The following ARL15 variants were observed in gnomAD, a reference collection of about 807,000 sequenced individuals.
ARL15 encodes the protein ADP-ribosylation factor-like protein 15.
A neutral mutation model predicts 25.2 loss-of-function variants in ARL15; 19 were observed. The observed-to-expected ratio is 0.75, with a 90% CI of 0.53 to 1.10. The LOEUF (loss-of-function observed/expected upper bound fraction) is 1.10, where lower values mean the gene tolerates loss of function less well. ARL15 is among the 50% of genes least tolerant of loss of function. The probability of loss-of-function intolerance (pLI) is 0.00; values close to 1 mark genes in which losing one functional copy is unlikely to be tolerated. For synonymous variants in ARL15, 94 were observed against 86.8 expected, an observed-to-expected ratio of 1.08 and a Z score of -0.46; for missense variants, 220 against 246.0, an observed-to-expected ratio of 0.89 and a Z score of 0.71.
intron 4 of ARL15, among the ~76,000 whole-genome samples, chr5:53,892,720 A>G (rs1288445401): frequency 1.3e-5 from 2 of 151,712 alleles, no homozygotes; most frequent in Admixed American, 1.3e-4. Flanking sequence ...CTCCCACCTC[A>G]GCCTCCTAAG....
chr5:53,941,745 C>T (rs1746546249), intron 4 of ARL15, among the ~76,000 whole-genome samples: 1 of 152,056 alleles, frequency 6.6e-6, no homozygotes, highest in African/African-American at 2.4e-5. Flanking sequence ...TGTGGTGATT[C>T]TTCTTTGAGT....
At chr5:54,193,513 G>T (rs982404915) in intron 1 of ARL15, among the ~76,000 whole-genome samples, 1 of 152,060 alleles carries the variant, frequency 6.6e-6, no homozygotes, top group East Asian at 1.9e-4. Flanking sequence ...TCATAGAAGC[G>T]GGAACCCTAC....
intron 4 of ARL15, among the ~76,000 whole-genome samples, chr5:53,975,198 A>AT (rs1235282305): frequency 6.6e-6 from 1 of 151,974 alleles, no homozygotes; most frequent in Admixed American, 6.5e-5. Flanking sequence ...ACTTTCTCCC[A>AT]TATCAATTTG....
intron 4 of ARL15, among the ~76,000 whole-genome samples, chr5:53,963,856 G>A (rs950126832): frequency 2.7e-5 from 4 of 147,046 alleles, no homozygotes; most frequent in Non-Finnish European, 6.0e-5. Context: ...CACATACACA[G>A]AGTAACTTGA....
chr5:54,123,527 AT>A lies in ARL15; in HGVS notation c.254-10118del, dbSNP rs542958057. ...TTCCCCTTTGTGTTTTGAAATTGCC[AT>A]TTTTAAAGAGGATGCTAGTAACATG... is the stretch of plus-strand genomic sequence containing the variant. On this transcript the variant is annotated intron_variant, in intron 3 of 4. Coordinates refer to ENST00000504924, the MANE Select transcript of ARL15 (RefSeq NM_019087.3). 2.1e-3 allele frequency among the ~76,000 whole-genome samples: 318 copies of A among 152,204 alleles called. 2 individuals carry two copies. Among genetic ancestry groups the A allele is most frequent in the Admixed American group, 8.2e-3 (126 of 15,290 alleles).
chr5:54,155,181 T>A (rs1754190607), intron 2 of ARL15, among the ~76,000 whole-genome samples: 1 of 152,074 alleles, frequency 6.6e-6, no homozygotes, highest in South Asian at 2.1e-4. Flanking sequence ...TATAACACTA[T>A]CCCCTTTACT....
At chr5:54,221,825 G>GCACACACACACA (rs3035310) in intron 1 of ARL15, among the ~76,000 whole-genome samples, 4 of 142,020 alleles carry the variant, frequency 2.8e-5, no homozygotes, top group African/African-American at 5.2e-5. Context: ...CAAGAAACAT[G>GCACACACACACA]CACACACACA....
chr5:54,032,051 C>T (rs1750009088), intron 4 of ARL15, among the ~76,000 whole-genome samples: 3 of 152,034 alleles, frequency 2.0e-5, no homozygotes, highest in Non-Finnish European at 4.4e-5. Context: ...ATACATTTTC[C>T]ACCTCATACT....
chr5:54,220,268 A>T (rs942965764), intron 1 of ARL15, among the ~76,000 whole-genome samples: 4 of 152,212 alleles, frequency 2.6e-5, no homozygotes, highest in African/African-American at 9.6e-5. Flanking sequence ...TGGCTTAAAA[A>T]TTGACCTAGC....
chr5:54,146,306 C>T (rs943600380), intron 3 of ARL15, among the ~76,000 whole-genome samples: 8 of 151,848 alleles, frequency 5.3e-5, no homozygotes, highest in African/African-American at 1.2e-4. Context: ...GTAGGATCTA[C>T]GATTTGTAGG....
At chr5:53,970,298 C>T (rs949082798) in intron 4 of ARL15, among the ~76,000 whole-genome samples, 11 of 152,218 alleles carry the variant, frequency 7.2e-5, no homozygotes, top group Admixed American at 3.3e-4. Flanking sequence ...ACTGGTCTTC[C>T]GGTTGTGCCA....
intron 1 of ARL15, among the ~76,000 whole-genome samples, chr5:54,300,929 T>C (rs1758599078): frequency 6.6e-6 from 1 of 152,166 alleles, no homozygotes. Context: ...CAAACCCTGC[T>C]CCAAAAACAC....
intron 4 of ARL15, among the ~76,000 whole-genome samples, chr5:53,949,872 A>G (rs1746886476): frequency 6.6e-6 from 1 of 152,200 alleles, no homozygotes; most frequent in South Asian, 2.1e-4. Flanking sequence ...TGAAAAAACA[A>G]ACTAAACAAA....
chr5:54,009,126 G>A lies in ARL15; in HGVS notation c.462+104076C>T, dbSNP rs557585752. 3.0e-4 allele frequency among the ~76,000 whole-genome samples: 45 copies of A among 152,282 alleles called. 1 individual carries two copies. Among genetic ancestry groups the A allele is most frequent in the African/African-American group, 1.0e-3 (43 of 41,558 alleles). On this transcript the variant is annotated intron_variant, in intron 4 of 4. Transcript: ENST00000504924. ...GGTGCTTCATATTATATATGTAAAT[G>A]CAAAGGTGCCTTAATTCCCACTGAT...
intron 1 of ARL15, among the ~76,000 whole-genome samples, chr5:54,247,415 G>A (rs2112589835): frequency 6.6e-6 from 1 of 151,918 alleles, no homozygotes; most frequent in Admixed American, 6.5e-5. Flanking sequence ...GGGGTCGGCT[G>A]GTAGGGAGGA....
chr5:54,127,196 G>A (rs551036746), intron 3 of ARL15, among the ~76,000 whole-genome samples: 2 of 152,306 alleles, frequency 1.3e-5, no homozygotes, highest in African/African-American at 4.8e-5. Flanking sequence ...TGGCTGCATA[G>A]TATACCATGG....
At chr5:53,973,207 T>TGG (rs1236056910) in intron 4 of ARL15, among the ~76,000 whole-genome samples, 6 of 147,322 alleles carry the variant, frequency 4.1e-5, no homozygotes, top group African/African-American at 9.7e-5. Context: ...GATATAAACT[T>TGG]GATTTAAAGT....
chr5:54,125,085 G>GTTT (rs70986660), intron 3 of ARL15, among the ~76,000 whole-genome samples: 1 of 136,464 alleles, frequency 7.3e-6, no homozygotes, highest in African/African-American at 2.7e-5. Flanking sequence ...GTTTTGTTTT[G>GTTT]TTTTTTTTTT....
intron 1 of ARL15, among the ~76,000 whole-genome samples, chr5:54,206,478 G>A (rs1215956806): frequency 1.3e-5 from 2 of 152,146 alleles, no homozygotes; most frequent in Non-Finnish European, 2.9e-5. Flanking sequence ...CCTCTTAAAA[G>A]TTTACCAGAT....
Sources: allele counts gnomAD v4.1 joint callset (sites outside exome capture counted in the v4.1 genomes callset), GRCh38; gene constraint gnomAD v4.1.1; transcripts MANE v1.5; gene names NCBI Gene and HGNC (gene_info 2026-07-23, HGNC 2026-07-21).